The following EPHA5 variants were observed in gnomAD, a reference collection of about 807,000 sequenced individuals.
The protein encoded by EPHA5 is ephrin type-A receptor 5.
EPHA5 carries 60 observed loss-of-function variants against 105.0 expected under a neutral mutation model. The ratio of observed to expected loss-of-function variants is 0.57; its 90% confidence interval spans 0.46 to 0.71. EPHA5 has a LOEUF of 0.71. EPHA5 is among the 30% of genes least tolerant of loss of function. EPHA5 has a pLI of 0.00. For synonymous variants in EPHA5, 513 were observed against 449.1 expected, an observed-to-expected ratio of 1.14 and a Z score of -1.80; for missense variants, 1,218 against 1,274.7, an observed-to-expected ratio of 0.96 and a Z score of 0.68.
At chr4:65,360,158 C>A (rs1196965298) in intron 11 of EPHA5, among the ~76,000 whole-genome samples, 1 of 151,612 alleles carries the variant, frequency 6.6e-6, no homozygotes, top group African/African-American at 2.4e-5. Flanking sequence ...ACAGAAGCAA[C>A]CCCTAATCTC....
chr4:65,499,897 A>G (rs754989742), intron 3 of EPHA5, among the ~76,000 whole-genome samples: 5 of 151,144 alleles, frequency 3.3e-5, no homozygotes, highest in Non-Finnish European at 7.4e-5. Context: ...AACAATTTGG[A>G]AGACACTGAA....
intron 7 of EPHA5, among the ~76,000 whole-genome samples, chr4:65,404,925 T>C (rs937484912): frequency 6.6e-5 from 10 of 152,258 alleles, no homozygotes; most frequent in African/African-American, 2.2e-4. Flanking sequence ...TTTTTCCCCA[T>C]AGACATTGGA....
At chr4:65,574,435 C>T (rs1740588508) in intron 3 of EPHA5, 2 of 400,010 alleles carry the variant, frequency 5.0e-6, no homozygotes, top group African/African-American at 2.1e-5. Flanking sequence ...TGTATTCATA[C>T]TCTTGAGGCT....
At chr4:65,660,826 G>A (rs1749494935) in intron 1 of EPHA5, among the ~76,000 whole-genome samples, 1 of 151,932 alleles carries the variant, frequency 6.6e-6, no homozygotes, top group East Asian at 1.9e-4. Flanking sequence ...CATGAGCAAA[G>A]TGTTCATAAA....
rs369951847 is a variant in EPHA5, at chr4:65,324,663, T to A, written c.2946-444A>T. ...TTGAAAACCAAAGTCATAAAATGAC[T>A]CATTCTATACAGTAATTTTATATAA... On this transcript the variant is annotated intron_variant, in intron 16 of 16. Transcript: ENST00000613740. 3.1e-4 allele frequency among the ~76,000 whole-genome samples: 47 copies of A among 151,280 alleles called. 1 individual carries two copies. Among genetic ancestry groups the A allele is most frequent in the African/African-American group, 1.1e-3 (45 of 41,424 alleles).
At chr4:65,325,434 T>G (rs1359051869) in intron 16 of EPHA5, among the ~76,000 whole-genome samples, 1 of 150,010 alleles carries the variant, frequency 6.7e-6, no homozygotes, top group East Asian at 2.0e-4. Flanking sequence ...TGATTTCTTA[T>G]GACAGTTTTA....
At chr4:65,668,538 C>T (rs1750161034) in intron 1 of EPHA5, among the ~76,000 whole-genome samples, 1 of 152,092 alleles carries the variant, frequency 6.6e-6, no homozygotes, top group African/African-American at 2.4e-5. Context: ...GAGCTCAGTC[C>T]GGGTGTGGGA....
chr4:65,412,831 C>T (rs1723038288), intron 7 of EPHA5, among the ~76,000 whole-genome samples: 1 of 151,984 alleles, frequency 6.6e-6, no homozygotes, highest in Non-Finnish European at 1.5e-5. Flanking sequence ...TATTGAAAAG[C>T]CTGAAGAAAA....
At chr4:65,324,809 A>G (rs1394972687) in intron 16 of EPHA5, among the ~76,000 whole-genome samples, 4 of 148,988 alleles carry the variant, frequency 2.7e-5, no homozygotes, top group African/African-American at 9.8e-5. Context: ...ATAACATCCA[A>G]GCTCTACTGG....
At chr4:65,348,341 A>G in intron 13 of EPHA5, 138 bp from the exon 14 acceptor site, 1 of 741,912 alleles carries the variant, frequency 1.3e-6, no homozygotes, top group Non-Finnish European at 2.1e-6. Flanking sequence ...TGTCTTTTCA[A>G]ATCTCTCAGC....
chr4:65,517,429 C>A (rs1025799387), intron 3 of EPHA5, among the ~76,000 whole-genome samples: 22 of 151,618 alleles, frequency 1.5e-4, no homozygotes, highest in African/African-American at 5.1e-4. Flanking sequence ...TTTTGAGTAA[C>A]TTTTATTCAG....
At chr4:65,352,034 A>G (rs1577891146) in intron 12 of EPHA5, among the ~76,000 whole-genome samples, 1 of 151,932 alleles carries the variant, frequency 6.6e-6, no homozygotes, top group Non-Finnish European at 1.5e-5. Flanking sequence ...CAGATGGGAG[A>G]CGGGTGACTG....
At chr4:65,389,541 T>A (rs750830570) in intron 8 of EPHA5, among the ~76,000 whole-genome samples, 2 of 152,056 alleles carry the variant, frequency 1.3e-5, no homozygotes, top group African/African-American at 2.4e-5. Flanking sequence ...GATTAAATAA[T>A]CAAAGCTACA....
chr4:65,399,197 A>G (rs1721566234), intron 8 of EPHA5, among the ~76,000 whole-genome samples: 1 of 152,156 alleles, frequency 6.6e-6, no homozygotes. Flanking sequence ...CCCACAGTGA[A>G]AGCTACTTGC....
At chr4:65,583,403 T>C (rs527856641) in intron 3 of EPHA5, among the ~76,000 whole-genome samples, 1 of 151,850 alleles carries the variant, frequency 6.6e-6, no homozygotes, top group Non-Finnish European at 1.5e-5. Context: ...AGGACATTCG[T>C]CTTTAATCTT....
chr4:65,499,031 C>A (rs35589182), intron 3 of EPHA5, among the ~76,000 whole-genome samples: 7,610 of 132,556 alleles, frequency 0.057, 363 homozygotes, highest in African/African-American at 0.14. Context: ...CCTTAGTTAA[C>A]TTCATTTCCA....
intron 15 of EPHA5, among the ~76,000 whole-genome samples, chr4:65,334,192 A>T (rs1250742256): frequency 6.6e-6 from 1 of 152,002 alleles, no homozygotes. Flanking sequence ...TCATAAAGGC[A>T]AATACTTAGG....
chr4:65,452,337 A>G (rs1438050845), intron 5 of EPHA5, among the ~76,000 whole-genome samples: 1 of 152,164 alleles, frequency 6.6e-6, no homozygotes, highest in Non-Finnish European at 1.5e-5. Flanking sequence ...TTTAACATGT[A>G]TAACAAATGT....
intron 3 of EPHA5, among the ~76,000 whole-genome samples, chr4:65,506,831 C>T (rs1026278267): frequency 6.6e-6 from 1 of 151,038 alleles, no homozygotes; most frequent in Non-Finnish European, 1.5e-5. Flanking sequence ...TGCCTGTTCA[C>T]TCTGTCTGCT....
Sources: gnomAD v4.1 joint callset for allele counts (sites outside exome capture counted in the v4.1 genomes callset) on GRCh38, gnomAD v4.1.1 for gene constraint, MANE v1.5 for transcripts, NCBI Gene and HGNC (gene_info 2026-07-23, HGNC 2026-07-21) for gene names.